SPMIP3: variants seen among roughly 807,000 people sequenced by gnomAD.
SPMIP3 encodes protein SPMIP3.
At chr1:244,380,364 C>G in the SPMIP3 span, among the ~76,000 whole-genome samples, 1 of 152,114 alleles carries the variant, frequency 6.6e-6, no homozygotes, top group Non-Finnish European at 1.5e-5. Context: ...AAGTGATCCA[C>G]CCACCTTGGC....
the SPMIP3 span, among the ~76,000 whole-genome samples, chr1:244,356,931 T>TG: frequency 6.9e-6 from 1 of 145,902 alleles, no homozygotes; most frequent in African/African-American, 2.5e-5. Flanking sequence ...TTTTTTTTTT[T>TG]TTTTTTTTTG....
At chr1:244,355,678 G>A in the SPMIP3 span, among the ~76,000 whole-genome samples, 17 of 152,238 alleles carry the variant, frequency 1.1e-4, no homozygotes, top group South Asian at 2.1e-4. Context: ...GAGCCACCGC[G>A]CCCAGCCCCA....
At chr1:244,362,581 CTT>C in the SPMIP3 span, among the ~76,000 whole-genome samples, 1 of 152,156 alleles carries the variant, frequency 6.6e-6, no homozygotes, top group Non-Finnish European at 1.5e-5. Context: ...TCGCACACAT[CTT>C]TGCCTCATTC....
the SPMIP3 span, among the ~76,000 whole-genome samples, chr1:244,369,048 T>TA: frequency 6.6e-6 from 1 of 152,038 alleles, no homozygotes; most frequent in African/African-American, 2.4e-5. Flanking sequence ...AGTCCCAGCC[T>TA]CTCGGGAGGC....
chr1:244,375,521 TA>T, the SPMIP3 span: 1 of 1,448,474 alleles, frequency 6.9e-7, no homozygotes, highest in Non-Finnish European at 9.7e-7. Context: ...GCTACAATGA[TA>T]AAAAGGGGTC....
chr1:244,360,436 T>C, the SPMIP3 span, among the ~76,000 whole-genome samples: 35 of 151,964 alleles, frequency 2.3e-4, no homozygotes, highest in African/African-American at 8.0e-4. Flanking sequence ...ATTGCAGCAC[T>C]ATTCACAATA....
the SPMIP3 span, among the ~76,000 whole-genome samples, chr1:244,361,754 C>T: frequency 6.6e-6 from 1 of 152,032 alleles, no homozygotes; most frequent in Non-Finnish European, 1.5e-5. Context: ...CAACCCATGA[C>T]CGATTTATTC....
At chr1:244,354,844 G>A in the SPMIP3 span, among the ~76,000 whole-genome samples, 1 of 152,218 alleles carries the variant, frequency 6.6e-6, no homozygotes, top group Non-Finnish European at 1.5e-5. Context: ...AAAGAGGAGA[G>A]GGAGGTGCAG....
the SPMIP3 span, among the ~76,000 whole-genome samples, chr1:244,365,979 CTTG>C: frequency 1.9e-4 from 29 of 152,104 alleles, no homozygotes; most frequent in African/African-American, 5.8e-4. Flanking sequence ...CTAGATCTGT[CTTG>C]TTGTGCTAAA....
the SPMIP3 span, among the ~76,000 whole-genome samples, chr1:244,367,047 G>A: frequency 1.2e-4 from 18 of 152,242 alleles, 1 homozygote; most frequent in Middle Eastern, 0.01. Context: ...GTTGTCAGCC[G>A]AGCATGATGC....
At chr1:244,369,094 A>G in the SPMIP3 span, among the ~76,000 whole-genome samples, 2 of 152,118 alleles carry the variant, frequency 1.3e-5, no homozygotes, top group Non-Finnish European at 2.9e-5. Flanking sequence ...GGGAAGGCAG[A>G]GGTGGCAGTG....
the SPMIP3 span, among the ~76,000 whole-genome samples, chr1:244,363,565 GC>G: frequency 2.6e-4 from 39 of 152,146 alleles, no homozygotes; most frequent in Non-Finnish European, 5.0e-4. Flanking sequence ...TCTGGGTGGG[GC>G]CCCCAGGAGG....
the SPMIP3 span, among the ~76,000 whole-genome samples, chr1:244,372,680 C>T: frequency 0.3 from 46,131 of 151,986 alleles, 7,942 homozygotes; most frequent in Non-Finnish European, 0.39. Flanking sequence ...CCTGACCTTG[C>T]GATCCGCCCG....
the SPMIP3 span, among the ~76,000 whole-genome samples, chr1:244,379,695 G>A: frequency 6.6e-6 from 1 of 152,134 alleles, no homozygotes; most frequent in Non-Finnish European, 1.5e-5. Context: ...AATACTGAAA[G>A]GGGGCCAGGC....
chr1:244,382,600 G>GTT, the SPMIP3 span, among the ~76,000 whole-genome samples: 1,344 of 105,984 alleles, frequency 0.013, 34 homozygotes, highest in African/African-American at 0.021. Context: ...TCTGGCTGCT[G>GTT]TTTTTTTTTT....
chr1:244,388,992 C>T, the SPMIP3 span: 9 of 1,613,970 alleles, frequency 5.6e-6, no homozygotes, highest in Non-Finnish European at 7.6e-6. Flanking sequence ...GAATCCTCGA[C>T]CGCTTAATTC....
chr1:244,356,015 C>T, the SPMIP3 span, among the ~76,000 whole-genome samples: 4,692 of 152,230 alleles, frequency 0.031, 235 homozygotes, highest in African/African-American at 0.11. Context: ...TATGATCTCA[C>T]TAAGCATAGC....
chr1:244,370,818 T>C, the SPMIP3 span, among the ~76,000 whole-genome samples: 2 of 152,186 alleles, frequency 1.3e-5, no homozygotes, highest in Non-Finnish European at 2.9e-5. Flanking sequence ...GGCGCTGGCA[T>C]TTACTTGTTT....
chr1:244,367,412 C>T, the SPMIP3 span, among the ~76,000 whole-genome samples: 4 of 152,112 alleles, frequency 2.6e-5, no homozygotes, highest in South Asian at 2.1e-4. Flanking sequence ...AAGGGGTGGC[C>T]GTGGGCTGGA....
Sources: gnomAD v4.1 joint callset for allele counts (sites outside exome capture counted in the v4.1 genomes callset) on GRCh38, gnomAD v4.1.1 for gene constraint, MANE v1.5 for transcripts, NCBI Gene and HGNC (gene_info 2026-07-23, HGNC 2026-07-21) for gene names.